Variants in PRKG1 observed in about 807,000 individuals in gnomAD.
The protein encoded by PRKG1 is cGMP-dependent protein kinase 1.
Under a neutral mutation model 88.1 loss-of-function variants are expected in PRKG1, and 35 were observed. The observed-to-expected ratio is 0.40, with a 90% CI of 0.30 to 0.53. The LOEUF is 0.53. PRKG1 is among the 20% of genes least tolerant of loss of function. The probability of loss-of-function intolerance (pLI) is 0.59; values close to 1 mark genes in which losing one functional copy is unlikely to be tolerated. For missense variants in PRKG1, 540 were observed against 839.8 expected (o/e 0.64, Z 4.41); for synonymous variants, 303 against 292.5 (o/e 1.04, Z -0.37).
chr10:52,145,963 T>C (rs2132658239), intron 8 of PRKG1, among the ~76,000 whole-genome samples: 1 of 152,298 alleles, frequency 6.6e-6, no homozygotes. Flanking sequence ...GCCATTGCTT[T>C]GCTACAGTCA....
At chr10:51,541,799 C>A (rs1197558812) in intron 3 of PRKG1, among the ~76,000 whole-genome samples, 1 of 151,992 alleles carries the variant, frequency 6.6e-6, no homozygotes, top group African/African-American at 2.4e-5. Flanking sequence ...TCAGAAATAT[C>A]ATTTAACTGA....
intron 5 of PRKG1, among the ~76,000 whole-genome samples, chr10:51,952,491 T>C (rs1843207851): frequency 6.6e-6 from 1 of 152,220 alleles, no homozygotes; most frequent in Admixed American, 6.5e-5. Context: ...CTCATTGGTA[T>C]AAAAACCTAA....
rs1198799218 is a variant in PRKG1, at chr10:52,134,886, T to C, written c.1001+981T>C. ...CCAGAGCAGAGACACAGTTGCAGAA[T>C]GGTAGCAATATCCATGGATATTTCT... On this transcript the variant is annotated intron_variant, in intron 8 of 17. Transcript: ENST00000373980. 3.3e-5 allele frequency among the ~76,000 whole-genome samples: 5 copies of C among 152,124 alleles called. No homozygotes were observed. In the East Asian group the frequency reaches 7.7e-4, roughly 23 times the overall value.
intron 3 of PRKG1, among the ~76,000 whole-genome samples, chr10:51,783,410 C>T (rs1313362688): frequency 6.6e-6 from 1 of 152,094 alleles, no homozygotes; most frequent in African/African-American, 2.4e-5. Flanking sequence ...TCATGAGTAG[C>T]TGGGATTACA....
chr10:51,627,661 C>A (rs1010516515), intron 3 of PRKG1, among the ~76,000 whole-genome samples: 3 of 152,250 alleles, frequency 2.0e-5, no homozygotes, highest in Non-Finnish European at 2.9e-5. Context: ...GTTGATAGGT[C>A]AGGCTTTTGA....
At chr10:51,821,645 A>G (rs1458521854) in intron 4 of PRKG1, among the ~76,000 whole-genome samples, 1 of 152,000 alleles carries the variant, frequency 6.6e-6, no homozygotes, top group Non-Finnish European at 1.5e-5. Context: ...TAGCACATTG[A>G]CCTATATATA....
intron 3 of PRKG1, among the ~76,000 whole-genome samples, chr10:51,622,093 G>A (rs749679494): frequency 1.1e-4 from 16 of 152,132 alleles, no homozygotes; most frequent in Non-Finnish European, 1.9e-4. Context: ...CTGCTTCAAA[G>A]TGTAAATCAA....
At chr10:51,701,578 A>C (rs1312947590) in intron 3 of PRKG1, among the ~76,000 whole-genome samples, 3 of 152,168 alleles carry the variant, frequency 2.0e-5, no homozygotes, top group African/African-American at 7.2e-5. Context: ...ACGAAAGGGG[A>C]GGGGTTAAGG....
intron 2 of PRKG1, among the ~76,000 whole-genome samples, chr10:51,243,191 A>G (rs1839199992): frequency 6.6e-6 from 1 of 152,158 alleles, no homozygotes; most frequent in Non-Finnish European, 1.5e-5. Context: ...TGGATGATGT[A>G]TCAGTGAGAG....
At chr10:51,617,169 A>G (rs112510282) in intron 3 of PRKG1, among the ~76,000 whole-genome samples, 11 of 152,270 alleles carry the variant, frequency 7.2e-5, no homozygotes, top group African/African-American at 2.4e-4. Flanking sequence ...ATGGGAATAT[A>G]GACCACTGGG....
chr10:51,108,640 C>A (rs1265327317), intron 1 of PRKG1, among the ~76,000 whole-genome samples: 2 of 152,120 alleles, frequency 1.3e-5, no homozygotes, highest in Admixed American at 6.5e-5. Context: ...TCATAAAGGG[C>A]AGTTACAAAA....
chr10:51,683,873 A>T (rs1372647329), intron 3 of PRKG1, among the ~76,000 whole-genome samples: 1 of 152,170 alleles, frequency 6.6e-6, no homozygotes, highest in Non-Finnish European at 1.5e-5. Flanking sequence ...ACAGAATCAG[A>T]TTGGTCTATT....
At chr10:52,192,807 A>AT (rs1253070684) in intron 9 of PRKG1, among the ~76,000 whole-genome samples, 21 of 152,188 alleles carry the variant, frequency 1.4e-4, no homozygotes, top group Non-Finnish European at 2.8e-4. Flanking sequence ...CCTTTCTTAT[A>AT]TTAGAATTTA....
At chr10:52,009,719 A>G (rs1844833286) in intron 5 of PRKG1, among the ~76,000 whole-genome samples, 1 of 152,206 alleles carries the variant, frequency 6.6e-6, no homozygotes, top group South Asian at 2.1e-4. Context: ...TAGGCAAGGC[A>G]ATCATAAGGA....
At chr10:51,692,561 A>G (rs1442997673) in intron 3 of PRKG1, among the ~76,000 whole-genome samples, 1 of 152,100 alleles carries the variant, frequency 6.6e-6, no homozygotes, top group African/African-American at 2.4e-5. Context: ...CCATTTTCCA[A>G]TGTTGGCACT....
intron 3 of PRKG1, among the ~76,000 whole-genome samples, chr10:51,479,234 T>C (rs1029165180): frequency 3.3e-5 from 5 of 152,068 alleles, no homozygotes; most frequent in African/African-American, 1.2e-4. Context: ...TTTAAAATTT[T>C]TCGTAATTTT....
At chr10:51,757,710 T>G (rs1350989685) in intron 3 of PRKG1, among the ~76,000 whole-genome samples, 1 of 152,158 alleles carries the variant, frequency 6.6e-6, no homozygotes, top group East Asian at 1.9e-4. Flanking sequence ...AGAAAAAAAG[T>G]AAAATAACTT....
chr10:51,641,893 G>C (rs1839809798), intron 3 of PRKG1, among the ~76,000 whole-genome samples: 1 of 152,014 alleles, frequency 6.6e-6, no homozygotes, highest in African/African-American at 2.4e-5. Flanking sequence ...ATTCAAACCA[G>C]GGCTGAAAAT....
At position 52,178,568 on chromosome 10, in the gene PRKG1, G is replaced by A. The variant is rs184298227; in HGVS notation, c.1076+16605G>A. ...TCTTTGTTGATTTTTTTTTTGTCTA[G>A]TTGATCTGTTCAACACCGACAGTGG... On this transcript the variant is annotated intron_variant, in intron 9 of 17. Transcript: ENST00000373980. Among the ~76,000 whole-genome samples the A allele has an allele frequency of 3.5e-3, 528 of 151,594 alleles. 1 individual carries two copies. Among genetic ancestry groups the A allele is most frequent in the Non-Finnish European group, 5.8e-3 (390 of 67,804 alleles).
Sources: allele counts gnomAD v4.1 joint callset (sites outside exome capture counted in the v4.1 genomes callset), GRCh38; gene constraint gnomAD v4.1.1; transcripts MANE v1.5; gene names NCBI Gene and HGNC (gene_info 2026-07-23, HGNC 2026-07-21).